CASD1: variants seen among roughly 807,000 people sequenced by gnomAD.
CASD1 encodes CAS1 domain sialic acid O acetyltransferase 1.
CASD1 carries 41 observed loss-of-function variants against 100.0 expected under a neutral mutation model. The observed-to-expected ratio is 0.41, with a 90% CI of 0.32 to 0.53. The LOEUF is 0.53. CASD1 is among the 20% of genes least tolerant of loss of function. The probability of loss-of-function intolerance (pLI) is 0.25; values close to 1 mark genes in which losing one functional copy is unlikely to be tolerated. For missense variants in CASD1, 774 were observed against 948.7 expected (o/e 0.82, Z 2.42); for synonymous variants, 321 against 315.6 (o/e 1.02, Z -0.18).
the CASD1 span, among the ~76,000 whole-genome samples, chr7:94,570,607 GC>G: frequency 1.3e-5 from 2 of 152,034 alleles, no homozygotes; most frequent in African/African-American, 4.8e-5. Context: ...TGATTCTCCT[GC>G]CCCAGCCTCC....
At chr7:94,566,973 A>G in the CASD1 span, among the ~76,000 whole-genome samples, 1 of 152,058 alleles carries the variant, frequency 6.6e-6, no homozygotes, top group South Asian at 2.1e-4. Context: ...ACCCTGGTGG[A>G]TCCTCTAGCA....
At chr7:94,553,481 T>C (rs1487189742) in intron 16 of CASD1, among the ~76,000 whole-genome samples, 3 of 152,188 alleles carry the variant, frequency 2.0e-5, no homozygotes, top group Non-Finnish European at 4.4e-5. Context: ...TCATCTTTTA[T>C]GCATCCTAGA....
chr7:94,510,370 G>A (rs556116824), intron 1 of CASD1, among the ~76,000 whole-genome samples, 153 bp downstream of exon 1: 434 of 152,286 alleles, frequency 2.8e-3, no homozygotes, highest in African/African-American at 9.8e-3. Flanking sequence ...CCCAGCAGCG[G>A]CCGGCGCCCG....
chr7:94,545,055 A>C (rs922546869), intron 11 of CASD1, among the ~76,000 whole-genome samples: 1 of 152,132 alleles, frequency 6.6e-6, no homozygotes, highest in Non-Finnish European at 1.5e-5. Flanking sequence ...TTTGAATGAC[A>C]TCAAGCTGAT....
the CASD1 span, among the ~76,000 whole-genome samples, chr7:94,614,605 C>T: frequency 6.6e-6 from 1 of 152,188 alleles, no homozygotes; most frequent in Non-Finnish European, 1.5e-5. Flanking sequence ...CTCATTTTCT[C>T]AGCAGGCTAA....
In CASD1 at chr7:94,509,869, G is replaced by A. The variant is rs1348489539; in HGVS notation, c.-216G>A. On this transcript the variant is annotated 5_prime_UTR_variant, in exon 1 of 18. Transcript: ENST00000297273. ...GGCGGAGCAGCGGCGGCGGGGCTGG[G>A]GGGAGGCCGCCGAGTCGGCCGCGGC... is the stretch of plus-strand genomic sequence containing the variant. 55 of 1,027,964 alleles carry A rather than the reference G, an allele frequency of 5.4e-5. No individual in the cohort carries two copies. Among genetic ancestry groups the A allele is most frequent in the Non-Finnish European group, 5.8e-5 (50 of 858,532 alleles). 63.7% of individuals were successfully genotyped at this position (1,027,964 alleles called of 1,614,324 possible).
chr7:94,540,084 G>T (rs1287015913), intron 10 of CASD1, among the ~76,000 whole-genome samples: 3 of 152,038 alleles, frequency 2.0e-5, no homozygotes, highest in Admixed American at 6.6e-5. Flanking sequence ...GATGTGGCAG[G>T]GCTAGAAAAA....
the CASD1 span, chr7:94,624,297 T>C: frequency 2.0e-5 from 8 of 397,728 alleles, no homozygotes; most frequent in South Asian, 6.4e-4. Context: ...AAAATAAATA[T>C]CTTGTGCATT....
chr7:94,603,566 TC>T, the CASD1 span: 1 of 947,390 alleles, frequency 1.1e-6, no homozygotes, highest in East Asian at 2.6e-5. Flanking sequence ...ACTAGACTCA[TC>T]CCTGAGGTAG....
intron 10 of CASD1, among the ~76,000 whole-genome samples, chr7:94,542,424 A>G (rs956615092): frequency 4.6e-5 from 7 of 152,354 alleles, no homozygotes; most frequent in Non-Finnish European, 8.8e-5. Context: ...AAAACTTTAT[A>G]TAAAAGAATG....
intron 8 of CASD1, among the ~76,000 whole-genome samples, chr7:94,535,923 G>A (rs190839920): frequency 6.6e-6 from 1 of 152,266 alleles, no homozygotes; most frequent in Non-Finnish European, 1.5e-5. Context: ...ACTTCTTAAT[G>A]CTGAAAATAT....
At chr7:94,615,779 A>G in the CASD1 span, among the ~76,000 whole-genome samples, 1 of 152,158 alleles carries the variant, frequency 6.6e-6, no homozygotes, top group Non-Finnish European at 1.5e-5. Flanking sequence ...CACCATTTAC[A>G]CTACATCACT....
chr7:94,581,359 TTTTCA>T, the CASD1 span, among the ~76,000 whole-genome samples: 8 of 152,358 alleles, frequency 5.3e-5, no homozygotes, highest in South Asian at 8.3e-4. Flanking sequence ...AATGACATTT[TTTTCA>T]TTTCATTTCC....
intron 3 of CASD1, among the ~76,000 whole-genome samples, chr7:94,522,757 A>C (rs1413210670): frequency 6.6e-6 from 1 of 151,534 alleles, no homozygotes; most frequent in Non-Finnish European, 1.5e-5. Flanking sequence ...TCCCGGGTTC[A>C]CGCCATTCTC....
the CASD1 span, among the ~76,000 whole-genome samples, chr7:94,595,684 A>T: frequency 6.6e-6 from 1 of 152,162 alleles, no homozygotes; most frequent in Non-Finnish European, 1.5e-5. Flanking sequence ...TAAAACTTTT[A>T]AAACATAGCT....
At position 94,511,626 on chromosome 7, in the gene CASD1, T is replaced by G. The variant is rs1793710555; in HGVS notation, c.133+1409T>G. 2.0e-5 allele frequency among the ~76,000 whole-genome samples: 3 copies of G among 152,224 alleles called. No individual in the cohort carries two copies. In the South Asian group the frequency reaches 6.2e-4, roughly 32 times the overall value. ...GGTGGTTTTGAGGAAATATTTCTTT[T>G]AACTACTATTAATCATTTTATGCCA... On this transcript the variant is annotated intron_variant, in intron 1 of 17. Transcript: ENST00000297273.
At chr7:94,528,025 C>T (rs1478504334) in intron 4 of CASD1, among the ~76,000 whole-genome samples, 163 bp from the exon 5 acceptor site, 1 of 152,212 alleles carries the variant, frequency 6.6e-6, no homozygotes, top group Admixed American at 6.5e-5. Context: ...TCAAGGAGAA[C>T]TATTGTAAGA....
At chr7:94,555,175 CAT>C (rs1028857790) in intron 17 of CASD1, among the ~76,000 whole-genome samples, 8 of 152,046 alleles carry the variant, frequency 5.3e-5, no homozygotes, top group African/African-American at 1.9e-4. Context: ...GTAATAACAA[CAT>C]ATATTTTAGA....
the CASD1 span, among the ~76,000 whole-genome samples, chr7:94,608,197 C>T: frequency 6.6e-6 from 1 of 152,152 alleles, no homozygotes; most frequent in Non-Finnish European, 1.5e-5. Flanking sequence ...CAAAAATTAG[C>T]TGGGCATGGT....
Sources: gnomAD v4.1 joint callset for allele counts (sites outside exome capture counted in the v4.1 genomes callset) on GRCh38, gnomAD v4.1.1 for gene constraint, MANE v1.5 for transcripts, NCBI Gene and HGNC (gene_info 2026-07-23, HGNC 2026-07-21) for gene names.